Variants in KLF12 observed in about 807,000 individuals in gnomAD.
The protein encoded by KLF12 is Krueppel-like factor 12.
A neutral mutation model predicts 37.8 loss-of-function variants in KLF12; 9 were observed. That is an observed-to-expected ratio of 0.24 (90% confidence interval 0.14 to 0.42). The LOEUF is 0.42. Ranked by LOEUF, KLF12 falls within the 10% of genes least tolerant of loss-of-function variation. KLF12 has a pLI of 1.00. For missense variants in KLF12, 411 were observed against 516.0 expected, an observed-to-expected ratio of 0.80 and a Z score of 1.97; for synonymous variants, 208 against 202.1, an observed-to-expected ratio of 1.03 and a Z score of -0.25.
chr13:73,965,658 A>G (rs1413758710), intron 2 of KLF12, among the ~76,000 whole-genome samples: 1 of 152,204 alleles, frequency 6.6e-6, no homozygotes, highest in African/African-American at 2.4e-5. Context: ...ATTCACGCAC[A>G]TAACTGCACA....
intron 7 of KLF12, among the ~76,000 whole-genome samples, chr13:73,707,943 C>T (rs759455414): frequency 5.3e-5 from 8 of 151,986 alleles, no homozygotes; most frequent in East Asian, 3.9e-4. Context: ...TGTGGAGGGG[C>T]GTGTGTACAT....
intron 1 of KLF12, among the ~76,000 whole-genome samples, chr13:74,023,274 G>A (rs1383728557): frequency 2.6e-5 from 4 of 152,124 alleles, no homozygotes; most frequent in East Asian, 1.9e-4. Context: ...GAGAATTTTC[G>A]AGAACGTTAA....
intron 2 of KLF12, among the ~76,000 whole-genome samples, chr13:73,958,619 T>C (rs1425286682): frequency 5.9e-5 from 9 of 152,152 alleles, no homozygotes; most frequent in African/African-American, 1.7e-4. Flanking sequence ...ACTAGAGTAC[T>C]GAAGATTACA....
chr13:73,741,762 A>C (rs9543442), intron 6 of KLF12, among the ~76,000 whole-genome samples: 2 of 152,230 alleles, frequency 1.3e-5, no homozygotes, highest in East Asian at 3.9e-4. Flanking sequence ...CTTATCTTTT[A>C]AAATATTCTA....
intron 2 of KLF12, among the ~76,000 whole-genome samples, chr13:73,968,719 T>A (rs146803083): frequency 6.6e-6 from 1 of 152,210 alleles, no homozygotes; most frequent in East Asian, 1.9e-4. Context: ...CGAGGAAAGA[T>A]AATTTATTCG....
At chr13:74,278,912 T>C in the KLF12 span, among the ~76,000 whole-genome samples, 1 of 152,192 alleles carries the variant, frequency 6.6e-6, no homozygotes, top group Non-Finnish European at 1.5e-5. Context: ...ATTCTCTGGC[T>C]CCTCTTATTC....
At chr13:73,967,031 TACTC>T (rs1277489618) in intron 2 of KLF12, among the ~76,000 whole-genome samples, 1 of 152,212 alleles carries the variant, frequency 6.6e-6, no homozygotes, top group African/African-American at 2.4e-5. Context: ...CAATTAAAAA[TACTC>T]ACTTCTGACA....
chr13:73,858,268 T>A (rs1191943636), intron 3 of KLF12, among the ~76,000 whole-genome samples: 2 of 152,218 alleles, frequency 1.3e-5, no homozygotes, highest in Non-Finnish European at 2.9e-5. Context: ...AAGAAAATAT[T>A]CTATACTGTT....
At chr13:74,103,637 T>A (rs56053373) in intron 1 of KLF12, among the ~76,000 whole-genome samples, 5,534 of 152,300 alleles carry the variant, frequency 0.036, 151 homozygotes, top group Non-Finnish European at 0.058. Flanking sequence ...ACTATACTGA[T>A]CTTTTTGAGG....
chr13:73,757,650 T>A (rs574402665), intron 6 of KLF12, among the ~76,000 whole-genome samples: 14 of 152,176 alleles, frequency 9.2e-5, no homozygotes, highest in Non-Finnish European at 2.1e-4. Flanking sequence ...ACATGGAGCA[T>A]TCCTGCAGGG....
chr13:73,929,615 C>T (rs1452172977), intron 3 of KLF12, among the ~76,000 whole-genome samples: 1 of 152,160 alleles, frequency 6.6e-6, no homozygotes, highest in African/African-American at 2.4e-5. Flanking sequence ...AATCTCAGTA[C>T]ATCAGAGAAT....
intron 6 of KLF12, among the ~76,000 whole-genome samples, chr13:73,763,704 G>A (rs1166469064): frequency 1.3e-5 from 2 of 152,176 alleles, no homozygotes; most frequent in Admixed American, 6.5e-5. Flanking sequence ...CCATTAGCTT[G>A]TGGCGTGTGA....
chr13:74,102,590 A>T (rs1240570536), intron 1 of KLF12, among the ~76,000 whole-genome samples: 1 of 151,278 alleles, frequency 6.6e-6, no homozygotes, highest in Non-Finnish European at 1.5e-5. Flanking sequence ...CCAGCTACTC[A>T]GGAGGCTGAG....
At chr13:74,153,001 G>T in the KLF12 span, among the ~76,000 whole-genome samples, 2 of 151,626 alleles carry the variant, frequency 1.3e-5, no homozygotes, top group Admixed American at 6.6e-5. Flanking sequence ...ATGTAGAAAG[G>T]TATAATAATT....
chr13:74,192,649 G>C, the KLF12 span, among the ~76,000 whole-genome samples: 1 of 152,176 alleles, frequency 6.6e-6, no homozygotes, highest in Non-Finnish European at 1.5e-5. Flanking sequence ...TTTGTAAAAT[G>C]AGTAAAGGTT....
the KLF12 span, among the ~76,000 whole-genome samples, chr13:74,139,114 A>G: frequency 2.6e-5 from 4 of 152,066 alleles, no homozygotes; most frequent in Non-Finnish European, 5.9e-5. Flanking sequence ...CTTAAATAAC[A>G]TTTTCCCCAC....
chr13:74,293,956 C>G, the KLF12 span, among the ~76,000 whole-genome samples: 3 of 152,234 alleles, frequency 2.0e-5, no homozygotes, highest in Non-Finnish European at 4.4e-5. Context: ...TATCTCCTCT[C>G]ACCTCTTACT....
intron 1 of KLF12, among the ~76,000 whole-genome samples, chr13:74,058,774 T>C (rs73214813): frequency 0.055 from 8,435 of 152,238 alleles, 248 homozygotes; most frequent in Middle Eastern, 0.092. Context: ...TACTATGAAC[T>C]TGGATTGTTG....
the KLF12 span, among the ~76,000 whole-genome samples, chr13:74,169,088 G>A: frequency 6.6e-6 from 1 of 152,064 alleles, no homozygotes; most frequent in African/African-American, 2.4e-5. Flanking sequence ...ATGGGTTAGT[G>A]TTTGGGAACT....
Sources: gnomAD v4.1 joint callset for allele counts (sites outside exome capture counted in the v4.1 genomes callset) on GRCh38, gnomAD v4.1.1 for gene constraint, MANE v1.5 for transcripts, NCBI Gene and HGNC (gene_info 2026-07-23, HGNC 2026-07-21) for gene names.